The following ITSN2 variants were observed in gnomAD, a reference collection of about 807,000 sequenced individuals.
The protein encoded by ITSN2 is intersectin 2.
Under a neutral mutation model 243.7 loss-of-function variants are expected in ITSN2, and 156 were observed. The ratio of observed to expected loss-of-function variants is 0.64; its 90% CI spans 0.56 to 0.73. ITSN2 has a LOEUF of 0.73. Among genes scored for constraint, ITSN2 ranks in the 30% least tolerant of loss-of-function variants. ITSN2 has a pLI of 0.00. For synonymous variants in ITSN2, 703 were observed against 699.9 expected (o/e 1.00, Z -0.07); for missense variants, 1,801 against 1,996.1 (o/e 0.90, Z 1.86).
chr2:24,295,844 C>T lies in ITSN2; in HGVS notation c.1495-40G>A, dbSNP rs559968697. 30 of 1,357,252 alleles carry T rather than the reference C, an allele frequency of 2.2e-5. No individual in the cohort carries two copies. In the East Asian group the frequency reaches 5.8e-4, roughly 26 times the overall value. 84.1% of individuals were successfully genotyped at this position (1,357,252 alleles called of 1,614,324 possible). A position where few individuals can be genotyped will look rare whatever the true frequency, so the allele number is the denominator to read the frequency against. On this transcript the variant is annotated intron_variant, in intron 13 of 39. Coordinates refer to ENST00000355123, the MANE Select transcript of ITSN2 (RefSeq NM_006277.3). The stretch of plus-strand genomic sequence containing the variant: ...TATAAATATATAGTAACATAAAATG[C>T]TAATAGAAAATGTTTCTACAAGGAG...
At position 24,272,043 on chromosome 2, in the gene ITSN2, A is replaced by G. The variant is rs370936925; in HGVS notation, c.2082-102T>C. On this transcript the variant is annotated intron_variant, in intron 18 of 39. Transcript: ENST00000355123. ...TTCCTGTCAAGGTGAAGAACTAGCAATGAAGTATTAGTACAGGGGTGGGGA... is the reference window on the plus strand; with the variant it reads ...TTCCTGTCAAGGTGAAGAACTAGCAGTGAAGTATTAGTACAGGGGTGGGGA... The G allele has an allele frequency of 1.2e-4, 115 of 964,306 alleles. No homozygotes were observed. The African/African-American group carries it at 1.7e-3, about 14-fold the overall frequency. 59.7% of individuals were successfully genotyped at this position (964,306 alleles called of 1,614,324 possible). A position where few individuals can be genotyped will look rare whatever the true frequency, so the allele number is the denominator to read the frequency against.
chr2:24,346,682 G>A (rs1446750222), intron 1 of ITSN2, among the ~76,000 whole-genome samples: 1 of 152,040 alleles, frequency 6.6e-6, no homozygotes, highest in Non-Finnish European at 1.5e-5. Flanking sequence ...GGATATATGG[G>A]AACTCTGTTC....
At chr2:24,303,929 C>G in intron 8 of ITSN2, 67 bp from the exon 9 acceptor site, 1 of 1,061,208 alleles carries the variant, frequency 9.4e-7, no homozygotes, top group Non-Finnish European at 1.5e-6. Context: ...AACAAATTAG[C>G]TGTATCTGTA....
intron 29 of ITSN2, chr2:24,221,349 C>T: frequency 3.0e-6 from 1 of 329,892 alleles, no homozygotes; most frequent in Non-Finnish European, 5.5e-6. Flanking sequence ...AGAATCTCAC[C>T]ACCTCAAGAC....
intron 1 of ITSN2, among the ~76,000 whole-genome samples, chr2:24,350,119 C>T (rs1687897263): frequency 6.6e-6 from 1 of 152,064 alleles, no homozygotes. Context: ...GGTAGGTAGC[C>T]TATTCTAATA....
Position 24,212,766 on chromosome 2 carries a change from G to A in ITSN2, c.3991-18C>T, listed in dbSNP as rs1240005561. The stretch of plus-strand genomic sequence containing the variant: ...GCCAGCTTCTGCAAAACAACAGTGA[G>A]GCTCGTGAGGAAATCACAGCTCCGA... On this transcript the variant is annotated intron_variant, in intron 32 of 39. Coordinates refer to ENST00000355123, the MANE Select transcript of ITSN2 (RefSeq NM_006277.3). 2 of 1,597,438 alleles carry A rather than the reference G, an allele frequency of 1.3e-6. No homozygotes were observed. The highest frequency in any genetic ancestry group is 1.7e-5 in the Admixed American group (1 of 60,000).
intron 29 of ITSN2, among the ~76,000 whole-genome samples, chr2:24,229,354 C>T (rs1240648211): frequency 6.6e-6 from 1 of 152,094 alleles, no homozygotes; most frequent in African/African-American, 2.4e-5. Context: ...TTTGGGAGGT[C>T]GAGGTGGGCA....
chr2:24,209,945 T>C lies in ITSN2; in HGVS notation c.4346A>G (p.Glu1449Gly). ...GKLYKTKSNK[E>G]LHGFLFNDFL... Reference sequence around the variant, plus strand: ...GTCATTGAAGAGGAATCCGTGCAGTTCCTTGTTGCTCTTGGTCTTGTATAA... The same window carrying C: ...GTCATTGAAGAGGAATCCGTGCAGTCCCTTGTTGCTCTTGGTCTTGTATAA... The change falls in exon 35 of 40, where the codon GAA becomes GGA. Residue 1449 changes from glutamate (E) to glycine (G), a missense_variant. By Grantham distance (98) the Glu-to-Gly change is moderately conservative (BLOSUM62 -2). This residue lies in a region of ITSN2 where 928 missense variants were observed against 1,065.4 expected (regional missense o/e 0.87). Transcript: ENST00000355123. 1 of 1,614,220 alleles carries C rather than the reference T, an allele frequency of 6.2e-7. No individual in the cohort carries two copies. The highest frequency in any genetic ancestry group is 8.5e-7 in the Non-Finnish European group (1 of 1,180,018).
At chr2:24,295,531 A>G (rs1409678677) in intron 14 of ITSN2, 133 bp downstream of exon 14, 2 of 565,082 alleles carry the variant, frequency 3.5e-6, no homozygotes, top group African/African-American at 3.9e-5. Flanking sequence ...CTGGTCTCGA[A>G]CTCCTGACCT....
In ITSN2 at chr2:24,275,848, T is replaced by C. The variant is rs770099796; in HGVS notation, c.1946A>G (p.Glu649Gly). 1 of 1,590,424 alleles carries C rather than the reference T, an allele frequency of 6.3e-7. No homozygotes were observed. Among genetic ancestry groups the C allele is most frequent in the Non-Finnish European group, 8.5e-7 (1 of 1,169,962 alleles). The stretch of plus-strand genomic sequence containing the variant: ...CTGTGTGTTGTAGGTTTCTCTCAGT[T>C]CCTAAGGAGAAAAAGAAAATAAGTC... ...CLNNLFLLLK[E>G]LRETYNTQQL... The change falls in exon 18 of 40, where the codon GAA becomes GGA. Residue 649 changes from glutamate to glycine, a missense_variant and splice_region_variant. Glu to Gly is a moderately conservative substitution (Grantham distance 98). This residue lies in a region of ITSN2 where 787 missense variants were observed against 803.9 expected (regional missense o/e 0.98). Coordinates refer to ENST00000355123, the MANE Select transcript of ITSN2 (RefSeq NM_006277.3).
intron 17 of ITSN2, among the ~76,000 whole-genome samples, chr2:24,279,731 T>TC (rs1252259431): frequency 7.1e-6 from 1 of 141,454 alleles, no homozygotes; most frequent in Admixed American, 7.0e-5. Flanking sequence ...ATTTTCTTTT[T>TC]TTTTTTTTTT....
intron 16 of ITSN2, 145 bp downstream of exon 16, chr2:24,286,067 C>A: frequency 1.7e-6 from 1 of 571,832 alleles, no homozygotes; most frequent in Non-Finnish European, 3.1e-6. Context: ...TAAAAACAAT[C>A]TTGAAATTCT....
At position 24,313,509 on chromosome 2, in the gene ITSN2, T is replaced by C. The variant is rs1399045118; in HGVS notation, c.139A>G (p.Asn47Asp). 7 of 1,613,432 alleles carry C rather than the reference T, an allele frequency of 4.3e-6. No individual in the cohort carries two copies. Among genetic ancestry groups the C allele is most frequent in the Non-Finnish European group, 5.9e-6 (7 of 1,179,566 alleles). Residue 47 changes from asparagine (N) to aspartate (D), a missense_variant, in exon 4 of 40, where the codon AAT becomes GAT. By Grantham distance (23) the Asn-to-Asp change is conservative. Around this residue, in one of 5 missense-constraint regions of ITSN2, gnomAD observed 77 missense variants for 90.1 expected, o/e 0.85. Transcript: ENST00000355123. ...GGCAGACCTGATTGTAGGAAAAAAT[T>C]ACGTGCTTGATCACCTGGAGGTAAT... Reference protein sequence around the residue: ...GGYITGDQARNFFLQSGLPAP... With the variant: ...GGYITGDQARDFFLQSGLPAP...
At chr2:24,207,095 A>G (rs1054681882) in intron 37 of ITSN2, among the ~76,000 whole-genome samples, 5 of 151,742 alleles carry the variant, frequency 3.3e-5, no homozygotes, top group African/African-American at 9.7e-5. Context: ...GGGGTAAGAA[A>G]TGTGTCGTTA....
At chr2:24,337,315 A>AATATATATATATACATATATATACAT (rs1278959952) in intron 1 of ITSN2, among the ~76,000 whole-genome samples, 2 of 32,020 alleles carry the variant, frequency 6.2e-5, no homozygotes, top group African/African-American at 2.2e-4. Context: ...GTATACACAA[A>AATATATATATATACATATATATACAT]ATATATATAT....
In ITSN2 at chr2:24,236,326, T is replaced by C. The variant is rs75963086; in HGVS notation, c.3577+9803A>G. ...ATGGAGACAAAAGATTAGTGCCTGC[T>C]CAGGGCTGAAGGCTGGAGGGGGGCT... On this transcript the variant is annotated intron_variant, in intron 29 of 39. Transcript: ENST00000355123. 4.9e-3 allele frequency among the ~76,000 whole-genome samples: 742 copies of C among 152,034 alleles called. 10 individuals are homozygous for C. The highest frequency in any genetic ancestry group is 0.017 in the African/African-American group (724 of 41,452).
chr2:24,355,184 C>T (rs564305599), intron 1 of ITSN2, among the ~76,000 whole-genome samples: 42 of 152,176 alleles, frequency 2.8e-4, no homozygotes, highest in Non-Finnish European at 5.3e-4. Flanking sequence ...TTTCTGCGCT[C>T]CACAGCTGTA....
At chr2:24,318,376 G>A (rs1684171339) in intron 2 of ITSN2, among the ~76,000 whole-genome samples, 1 of 152,036 alleles carries the variant, frequency 6.6e-6, no homozygotes, top group Non-Finnish European at 1.5e-5. Flanking sequence ...GAACTCCTGG[G>A]CTCAAGTGAT....
At chr2:24,318,326 T>G (rs1230641521) in intron 2 of ITSN2, among the ~76,000 whole-genome samples, 1 of 152,080 alleles carries the variant, frequency 6.6e-6, no homozygotes, top group African/African-American at 2.4e-5. Context: ...TTGTATTTTT[T>G]GTAGAGACGG....
Sources: gnomAD v4.1 joint callset for allele counts (sites outside exome capture counted in the v4.1 genomes callset) on GRCh38, gnomAD v4.1.1 for gene constraint, gnomAD v4.1.1 regional missense constraint, MANE v1.5 for transcripts, NCBI Gene and HGNC (gene_info 2026-07-23, HGNC 2026-07-21) for gene names.